SLC9A9: variants seen among roughly 807,000 people sequenced by gnomAD.
SLC9A9 encodes solute carrier family 9 member A9.
Under a neutral mutation model 77.8 loss-of-function variants are expected in SLC9A9, and 62 were observed. The observed-to-expected ratio is 0.80, with a 90% CI of 0.65 to 0.98. The LOEUF is 0.98. Ranked by LOEUF, SLC9A9 falls within the 50% of genes least tolerant of loss-of-function variation. The probability of loss-of-function intolerance (pLI) is 0.00; values close to 1 mark genes in which losing one functional copy is unlikely to be tolerated. For missense variants in SLC9A9, 775 were observed against 774.9 expected (o/e 1.00, Z 0.00); for synonymous variants, 320 against 283.5 (o/e 1.13, Z -1.29).
chr3:143,541,671 T>C (rs1157425890), intron 9 of SLC9A9, among the ~76,000 whole-genome samples: 2 of 152,210 alleles, frequency 1.3e-5, no homozygotes, highest in African/African-American at 4.8e-5. Context: ...GTTGGAAAAC[T>C]GGTCCAAGCC....
intron 9 of SLC9A9, among the ~76,000 whole-genome samples, chr3:143,508,396 A>T (rs957781994): frequency 1.3e-5 from 2 of 152,228 alleles, no homozygotes; most frequent in Non-Finnish European, 2.9e-5. Context: ...AATGCATTAG[A>T]TCATCAGGAC....
At chr3:143,326,011 G>A (rs1277123015) in intron 14 of SLC9A9, among the ~76,000 whole-genome samples, 2 of 152,152 alleles carry the variant, frequency 1.3e-5, no homozygotes, top group African/African-American at 4.8e-5. Context: ...ATTCATGCAT[G>A]CAAGTGCTCT....
chr3:143,690,363 G>A (rs192305047), intron 5 of SLC9A9, among the ~76,000 whole-genome samples: 8 of 151,964 alleles, frequency 5.3e-5, no homozygotes, highest in African/African-American at 9.6e-5. Flanking sequence ...TTTAAAAAAA[G>A]GTCTAAAAAC....
intron 12 of SLC9A9, among the ~76,000 whole-genome samples, chr3:143,385,039 G>T (rs2033392872): frequency 1.3e-5 from 2 of 152,182 alleles, no homozygotes; most frequent in Non-Finnish European, 2.9e-5. Flanking sequence ...GGAGGACTCA[G>T]CATTGCAACT....
At chr3:143,791,844 C>G (rs1246359415) in intron 4 of SLC9A9, among the ~76,000 whole-genome samples, 1 of 152,182 alleles carries the variant, frequency 6.6e-6, no homozygotes, top group Non-Finnish European at 1.5e-5. Flanking sequence ...GGATGGACTT[C>G]CCAAATAAAA....
chr3:143,437,598 G>C (rs949522869), intron 12 of SLC9A9, among the ~76,000 whole-genome samples: 1 of 152,252 alleles, frequency 6.6e-6, no homozygotes, highest in Non-Finnish European at 1.5e-5. Context: ...CCGCTCAACA[G>C]GCAGGAAAGT....
chr3:143,526,238 A>G (rs929849748), intron 9 of SLC9A9, among the ~76,000 whole-genome samples: 2 of 152,196 alleles, frequency 1.3e-5, no homozygotes, highest in African/African-American at 4.8e-5. Context: ...TAGAAGCACC[A>G]AAAGGAAGTC....
At chr3:143,805,713 G>A (rs921650489) in intron 2 of SLC9A9, among the ~76,000 whole-genome samples, 12 of 151,952 alleles carry the variant, frequency 7.9e-5, no homozygotes, top group Non-Finnish European at 1.5e-4. Context: ...CTCCCCCACT[G>A]AGCACCTTGT....
chr3:143,811,698 A>T, intron 2 of SLC9A9: 6 of 454,922 alleles, frequency 1.3e-5, no homozygotes, highest in South Asian at 9.3e-5. Context: ...AAACAAAAAC[A>T]AAAAAACAAA....
chr3:143,758,914 A>G (rs902722392), intron 4 of SLC9A9, among the ~76,000 whole-genome samples: 7 of 152,140 alleles, frequency 4.6e-5, no homozygotes, highest in African/African-American at 1.7e-4. Context: ...AGGTAACTGG[A>G]TATTTTCTTT....
intron 12 of SLC9A9, among the ~76,000 whole-genome samples, chr3:143,438,582 A>G (rs1056420701): frequency 7.2e-5 from 11 of 152,242 alleles, no homozygotes; most frequent in African/African-American, 2.7e-4. Context: ...TTAAAAACAC[A>G]GATGCCCTAT....
chr3:143,331,088 G>A (rs999460842), intron 14 of SLC9A9, among the ~76,000 whole-genome samples: 2 of 152,132 alleles, frequency 1.3e-5, no homozygotes, highest in African/African-American at 2.4e-5. Context: ...AGTGGGATGG[G>A]GTAAGAGAGG....
At chr3:143,538,274 A>T in intron 9 of SLC9A9, among the ~76,000 whole-genome samples, 1 of 152,182 alleles carries the variant, frequency 6.6e-6, no homozygotes, top group African/African-American at 2.4e-5. Flanking sequence ...AGTCTCTAGT[A>T]TGCTTGGATG....
intron 14 of SLC9A9, among the ~76,000 whole-genome samples, chr3:143,315,650 C>G (rs747697788): frequency 2.0e-5 from 3 of 152,154 alleles, no homozygotes; most frequent in Non-Finnish European, 4.4e-5. Context: ...AATCAAGACC[C>G]AGGGGGTTGT....
At chr3:143,525,094 T>A (rs961042373) in intron 9 of SLC9A9, among the ~76,000 whole-genome samples, 9 of 152,168 alleles carry the variant, frequency 5.9e-5, no homozygotes, top group Non-Finnish European at 1.3e-4. Context: ...GAATGCTATA[T>A]AGATGTCAAA....
chr3:143,778,967 T>C (rs946529621), intron 4 of SLC9A9, among the ~76,000 whole-genome samples: 1 of 152,218 alleles, frequency 6.6e-6, no homozygotes, highest in Admixed American at 6.5e-5. Flanking sequence ...CAGAGTGCTA[T>C]TACCAATGTT....
Position 143,770,432 on chromosome 3 carries a change from A to C in SLC9A9, c.533+24569T>G, listed in dbSNP as rs117972071. On this transcript the variant is annotated intron_variant, in intron 4 of 15. Transcript: ENST00000316549. The stretch of plus-strand genomic sequence containing the variant: ...GTATACAGCAGAGATGGTATTTCAA[A>C]CCAGTGGGTAAGGGATGGATTATTC... Among the ~76,000 whole-genome samples, 33 of 152,336 alleles carry C rather than the reference A, an allele frequency of 2.2e-4. No homozygotes were observed. In the East Asian group the frequency reaches 6.0e-3, roughly 28 times the overall value.
Position 143,832,058 on chromosome 3 carries a change from G to A in SLC9A9, c.339C>T (p.His113=), listed in dbSNP as rs771113630. Residue 113 remains histidine, a synonymous_variant, in exon 2 of 16, where the codon CAC becomes CAT. Coordinates refer to ENST00000316549, the MANE Select transcript of SLC9A9 (RefSeq NM_173653.4). ...CATTTCCTTGATGAGGATTGATGTT[G>A]TGCTGACTTATTTCTCTTTTGTATT... The part of the protein sequence containing the change: ...EYKYKREISQ[H]NINPHQGNAI... The A allele has an allele frequency of 9.9e-6, 16 of 1,612,674 alleles. No homozygotes were observed. The African/African-American group carries it at 1.7e-4, about 18-fold the overall frequency.
intron 2 of SLC9A9, among the ~76,000 whole-genome samples, chr3:143,812,786 A>G (rs1463561715): frequency 2.0e-5 from 3 of 152,222 alleles, no homozygotes; most frequent in African/African-American, 4.8e-5. Context: ...AGGAAGTCAG[A>G]GCCATTAATG....
Sources: allele counts gnomAD v4.1 joint callset (sites outside exome capture counted in the v4.1 genomes callset), GRCh38; gene constraint gnomAD v4.1.1; transcripts MANE v1.5; gene names NCBI Gene and HGNC (gene_info 2026-07-23, HGNC 2026-07-21).